Variants in REDIC1 observed in about 807,000 individuals in gnomAD.
REDIC1 encodes HEI10 Interacting Protein 1.
the REDIC1 span, among the ~76,000 whole-genome samples, chr12:39,787,765 A>T: frequency 6.6e-6 from 1 of 152,216 alleles, no homozygotes; most frequent in Non-Finnish European, 1.5e-5. Flanking sequence ...ACATGATGTT[A>T]GGTGAATGGA....
the REDIC1 span, among the ~76,000 whole-genome samples, chr12:39,671,466 GT>G: frequency 2.0e-5 from 3 of 152,158 alleles, no homozygotes; most frequent in Non-Finnish European, 2.9e-5. Flanking sequence ...GCATGTTTAG[GT>G]GCTGGCATTG....
chr12:39,691,220 C>A, the REDIC1 span, among the ~76,000 whole-genome samples: 1 of 152,080 alleles, frequency 6.6e-6, no homozygotes, highest in African/African-American at 2.4e-5. Context: ...CATGTCTAAA[C>A]CAATTCCAAG....
chr12:39,795,175 T>C, the REDIC1 span, among the ~76,000 whole-genome samples: 1 of 152,130 alleles, frequency 6.6e-6, no homozygotes, highest in South Asian at 2.1e-4. Flanking sequence ...ACGTCTCTTA[T>C]ATCTTGATCT....
chr12:39,682,942 C>A, the REDIC1 span: 1 of 1,613,282 alleles, frequency 6.2e-7, no homozygotes, highest in African/African-American at 1.3e-5. Flanking sequence ...TGATAAAAAC[C>A]ATGTCACTGA....
At chr12:39,781,991 C>T in the REDIC1 span, among the ~76,000 whole-genome samples, 1 of 152,148 alleles carries the variant, frequency 6.6e-6, no homozygotes, top group African/African-American at 2.4e-5. Context: ...AATACAGGAA[C>T]TGAAAATTAC....
the REDIC1 span, among the ~76,000 whole-genome samples, chr12:39,715,401 T>A: frequency 1.3e-5 from 2 of 151,948 alleles, no homozygotes; most frequent in African/African-American, 4.8e-5. Context: ...GGGTTCTCTA[T>A]TCTGTTCCAT....
chr12:39,698,638 C>A, the REDIC1 span, among the ~76,000 whole-genome samples: 5 of 152,096 alleles, frequency 3.3e-5, no homozygotes, highest in African/African-American at 1.2e-4. Flanking sequence ...GAAATGATAT[C>A]AAATATCTTT....
the REDIC1 span, chr12:39,764,792 T>G: frequency 4.3e-6 from 7 of 1,612,566 alleles, no homozygotes; most frequent in Non-Finnish European, 5.9e-6. Context: ...TCCAGGAGTA[T>G]GGAGTAGGGC....
chr12:39,683,780 ATTAAC>A, the REDIC1 span, among the ~76,000 whole-genome samples: 278 of 152,198 alleles, frequency 1.8e-3, no homozygotes, highest in African/African-American at 6.1e-3. Context: ...ATGTCAATTT[ATTAAC>A]TTAAAGTAAT....
the REDIC1 span, among the ~76,000 whole-genome samples, chr12:39,702,154 G>C: frequency 5.3e-5 from 8 of 152,218 alleles, no homozygotes; most frequent in South Asian, 2.1e-4. Flanking sequence ...TTTGGGAGCT[G>C]GTTTTTTGAA....
At chr12:39,857,084 T>C in the REDIC1 span, among the ~76,000 whole-genome samples, 368 of 152,214 alleles carry the variant, frequency 2.4e-3, no homozygotes, top group African/African-American at 8.6e-3. Context: ...CAATGAAGAG[T>C]TCTAGAATAA....
chr12:39,713,442 A>T, the REDIC1 span, among the ~76,000 whole-genome samples: 1 of 147,628 alleles, frequency 6.8e-6, no homozygotes, highest in East Asian at 2.0e-4. Context: ...GTGTACATAT[A>T]CATATGTATA....
the REDIC1 span, among the ~76,000 whole-genome samples, chr12:39,769,023 G>C: frequency 1.3e-5 from 2 of 152,006 alleles, no homozygotes; most frequent in East Asian, 3.9e-4. Flanking sequence ...TCCCAACCCG[G>C]TGTGGCTTAT....
At chr12:39,684,832 AAC>A in the REDIC1 span, 7 of 1,514,724 alleles carry the variant, frequency 4.6e-6, no homozygotes, top group Non-Finnish European at 6.4e-6. Flanking sequence ...GAGGGAACAC[AAC>A]AAACTTTGAT....
At chr12:39,729,276 G>A in the REDIC1 span, among the ~76,000 whole-genome samples, 18 of 152,120 alleles carry the variant, frequency 1.2e-4, no homozygotes, top group South Asian at 4.1e-4. Flanking sequence ...GATCTTTCCC[G>A]TCTTCTCCTG....
chr12:39,711,686 CATGT>C, the REDIC1 span, among the ~76,000 whole-genome samples: 2 of 101,442 alleles, frequency 2.0e-5, no homozygotes, highest in Non-Finnish European at 4.3e-5. Context: ...TGTGTATGCA[CATGT>C]ATGTGTATGT....
chr12:39,647,852 A>G, the REDIC1 span: 1 of 1,607,882 alleles, frequency 6.2e-7, no homozygotes, highest in Non-Finnish European at 8.5e-7. Context: ...AGAGAACTGC[A>G]GTTTCACTCC....
the REDIC1 span, among the ~76,000 whole-genome samples, chr12:39,884,647 A>T: frequency 1.3e-5 from 2 of 152,152 alleles, no homozygotes; most frequent in African/African-American, 4.8e-5. Flanking sequence ...CATAACACTG[A>T]GGGTGACCGC....
At chr12:39,768,721 A>G in the REDIC1 span, among the ~76,000 whole-genome samples, 1 of 152,096 alleles carries the variant, frequency 6.6e-6, no homozygotes, top group African/African-American at 2.4e-5. Context: ...CAATAGTAAC[A>G]TTAAAGATCA....
Sources: allele counts gnomAD v4.1 joint callset (sites outside exome capture counted in the v4.1 genomes callset), GRCh38; gene constraint gnomAD v4.1.1; transcripts MANE v1.5; gene names NCBI Gene and HGNC (gene_info 2026-07-23, HGNC 2026-07-21).